The following ALX4 variants were observed in gnomAD, a reference collection of about 807,000 sequenced individuals.
ALX4 encodes homeobox protein aristaless-like 4.
A neutral mutation model predicts 40.6 loss-of-function variants in ALX4; 22 were observed. That is an observed-to-expected ratio of 0.54 (90% CI 0.39 to 0.77). The LOEUF (loss-of-function observed/expected upper bound fraction) is 0.77, where lower values mean the gene tolerates loss of function less well. ALX4 is among the 30% of genes least tolerant of loss of function. The pLI, the probability that ALX4 is intolerant of heterozygous loss-of-function variation, is 0.00. For missense variants in ALX4, 556 were observed against 564.8 expected (o/e 0.98, Z 0.16); for synonymous variants, 266 against 240.5 (o/e 1.11, Z -0.98).
intron 1 of ALX4, among the ~76,000 whole-genome samples, chr11:44,288,914 C>T (rs550577555): frequency 6.6e-6 from 1 of 152,298 alleles, no homozygotes; most frequent in East Asian, 1.9e-4. Context: ...CCCCCATGGC[C>T]CCTCTGCCAA....
chr11:44,292,658 T>C (rs1187199794), intron 1 of ALX4, among the ~76,000 whole-genome samples: 1 of 152,254 alleles, frequency 6.6e-6, no homozygotes, highest in East Asian at 1.9e-4. Flanking sequence ...AGGATAATTA[T>C]ACCTAAAAGT....
rs10769024 is a variant in ALX4 at position 44,267,762 on chromosome 11, C to G, written c.778-140G>C. On this transcript the variant is annotated intron_variant, in intron 2 of 3. Transcript: ENST00000652299. The stretch of plus-strand genomic sequence containing the variant: ...AAACGGTGCGGCCACACATAAATAT[C>G]AACCTTGGTCTTTGTCCTCAAGAGC... 0.61 allele frequency: 703,970 copies of G among 1,152,590 alleles called. 218,000 individuals are homozygous for G. The highest frequency in any genetic ancestry group is 0.73 in the Admixed American group (40,844 of 56,254). The allele number at this position is 1,152,590 out of a possible 1,614,324, so 71.4% of individuals were successfully genotyped here.
At chr11:44,282,591 G>A (rs1956316023) in intron 1 of ALX4, among the ~76,000 whole-genome samples, 2 of 152,192 alleles carry the variant, frequency 1.3e-5, no homozygotes, top group South Asian at 4.1e-4. Flanking sequence ...TCCTTTGACA[G>A]GGGAATGGAG....
chr11:44,262,761 C>T lies in ALX4; in HGVS notation c.*2093G>A, dbSNP rs1956190214. On this transcript the variant is annotated 3_prime_UTR_variant, in exon 4 of 4. Coordinates refer to ENST00000652299, the MANE Select transcript of ALX4 (RefSeq NM_021926.4). ...TCCTTCCTTCCCCATCCTTCCTCAG[C>T]CATGAGCATTTCAGAAGGAAAGGGG... 6.6e-6 allele frequency: 1 copy of T among 152,196 alleles called. No individual in the cohort carries two copies. The allele number at this position is 152,196 out of a possible 1,614,324, so 9.4% of individuals were successfully genotyped here.
At chr11:44,289,415 C>A (rs1486680511) in intron 1 of ALX4, among the ~76,000 whole-genome samples, 4 of 152,180 alleles carry the variant, frequency 2.6e-5, no homozygotes, top group African/African-American at 7.2e-5. Flanking sequence ...TCTCCTCTGA[C>A]CCTCCCCAGA....
At chr11:44,271,071 G>C (rs889079016) in intron 2 of ALX4, among the ~76,000 whole-genome samples, 1 of 151,838 alleles carries the variant, frequency 6.6e-6, no homozygotes, top group African/African-American at 2.4e-5. Context: ...ACCACTCTAC[G>C]CCAGGCACCT....
intron 1 of ALX4, among the ~76,000 whole-genome samples, chr11:44,301,478 T>C (rs2119889442): frequency 6.6e-6 from 1 of 151,918 alleles, no homozygotes; most frequent in East Asian, 1.9e-4. Context: ...TGCATTAGAG[T>C]CAGGTCCCTG....
chr11:44,290,531 G>A (rs1163058821), intron 1 of ALX4, among the ~76,000 whole-genome samples: 1 of 152,212 alleles, frequency 6.6e-6, no homozygotes, highest in Non-Finnish European at 1.5e-5. Flanking sequence ...ACCAGGGCAG[G>A]GGCACCTAGC....
chr11:44,264,668 G>T lies in ALX4; in HGVS notation c.*186C>A. 2 of 665,908 alleles carry T rather than the reference G, an allele frequency of 3.0e-6. No homozygotes were observed. The highest frequency in any genetic ancestry group is 2.5e-6 in the Non-Finnish European group (1 of 396,986). 41.2% of individuals were successfully genotyped at this position (665,908 alleles called of 1,614,324 possible). Reference sequence around the variant, plus strand: ...CCTCAGTGCCAGGGAGGGGCCAGGGGCCTGCTGCCCCCTCCCTCCCAGCAG... The same window carrying T: ...CCTCAGTGCCAGGGAGGGGCCAGGGTCCTGCTGCCCCCTCCCTCCCAGCAG... On this transcript the variant is annotated 3_prime_UTR_variant, in exon 4 of 4. Transcript: ENST00000652299.
At chr11:44,302,112 T>G (rs999745084) in intron 1 of ALX4, among the ~76,000 whole-genome samples, 5 of 152,120 alleles carry the variant, frequency 3.3e-5, no homozygotes, top group African/African-American at 1.2e-4. Flanking sequence ...TCATTCTCCC[T>G]GGGGGCGCCT....
At chr11:44,284,272 A>C (rs1012320655) in intron 1 of ALX4, among the ~76,000 whole-genome samples, 1 of 152,102 alleles carries the variant, frequency 6.6e-6, no homozygotes, top group African/African-American at 2.4e-5. Flanking sequence ...TCCCAGGAAC[A>C]GGTTGAAATA....
chr11:44,295,700 T>G (rs2119866279), intron 1 of ALX4, among the ~76,000 whole-genome samples: 1 of 152,358 alleles, frequency 6.6e-6, no homozygotes, highest in African/African-American at 2.4e-5. Flanking sequence ...CACTGGATGC[T>G]TCCTTCTTGG....
intron 1 of ALX4, among the ~76,000 whole-genome samples, chr11:44,302,778 C>T (rs1286443020): frequency 6.6e-6 from 1 of 152,170 alleles, no homozygotes; most frequent in Non-Finnish European, 1.5e-5. Context: ...CCACTCAGGA[C>T]CTGTGTTAGC....
chr11:44,275,598 T>C lies in ALX4; in HGVS notation c.527A>G (p.Asp176Gly), dbSNP rs756876669. 28 of 1,613,884 alleles carry C rather than the reference T, an allele frequency of 1.7e-5. No homozygotes were observed. Among genetic ancestry groups the C allele is most frequent in the Non-Finnish European group, 2.3e-5 (27 of 1,179,932 alleles). Reference protein sequence around the residue: ...LPPDSDTVGMDSSYLSVKEAG... With the variant: ...LPPDSDTVGMGSSYLSVKEAG... Reference sequence around the variant, plus strand: ...CTCCTTGACACTCAGGTAGCTGCTGTCCATCCCCACAGTGTCAGAGTCAGG... The same window carrying C: ...CTCCTTGACACTCAGGTAGCTGCTGCCCATCCCCACAGTGTCAGAGTCAGG... Residue 176 changes from aspartate to glycine, a missense_variant, in exon 2 of 4, where the codon GAC becomes GGC. Physicochemically the swap from Asp to Gly is moderately conservative, Grantham distance 94. Coordinates refer to ENST00000652299, the MANE Select transcript of ALX4 (RefSeq NM_021926.4).
At position 44,275,570 on chromosome 11, in the gene ALX4, A is replaced by C; in HGVS notation, c.555T>G (p.Ala185=). Residue 185 remains alanine (A), a synonymous_variant, in exon 2 of 4, where the codon GCT becomes GCG. Transcript: ENST00000652299. ...MDSSYLSVKE[A]GVKGPQDRAS... ...CCCGGTCCTGGGGCCCCTTCACCCC[A>C]GCCTCCTTGACACTCAGGTAGCTGC... 6.2e-7 allele frequency: 1 copy of C among 1,613,996 alleles called. No homozygotes were observed. Among genetic ancestry groups the C allele is most frequent in the Non-Finnish European group, 8.5e-7 (1 of 1,179,988 alleles).
chr11:44,271,944 C>A (rs763473986), intron 2 of ALX4, among the ~76,000 whole-genome samples: 4 of 152,200 alleles, frequency 2.6e-5, no homozygotes, highest in Non-Finnish European at 5.9e-5. Flanking sequence ...CAGGTTTATC[C>A]CACACCAACA....
intron 3 of ALX4, 142 bp downstream of exon 3, chr11:44,267,352 A>C: frequency 1.8e-6 from 2 of 1,136,826 alleles, no homozygotes. Context: ...CTCTGGTATA[A>C]ACAGGCACAC....
chr11:44,305,494 C>T (rs1214802244), intron 1 of ALX4, among the ~76,000 whole-genome samples: 3 of 152,234 alleles, frequency 2.0e-5, no homozygotes, highest in Non-Finnish European at 4.4e-5. Flanking sequence ...CCCACAGTCA[C>T]CCACAGCAGC....
chr11:44,274,702 A>G (rs1211169335), intron 2 of ALX4, among the ~76,000 whole-genome samples: 1 of 151,630 alleles, frequency 6.6e-6, no homozygotes, highest in Non-Finnish European at 1.5e-5. Context: ...GTTGAGTTCT[A>G]TTGGGTTGTG....
Sources: allele counts gnomAD v4.1 joint callset (sites outside exome capture counted in the v4.1 genomes callset), GRCh38; gene constraint gnomAD v4.1.1; transcripts MANE v1.5; gene names NCBI Gene and HGNC (gene_info 2026-07-23, HGNC 2026-07-21).